CSMD1: variants seen among roughly 807,000 people sequenced by gnomAD.
CSMD1 encodes the protein CUB and sushi domain-containing protein 1.
A neutral mutation model predicts 417.5 loss-of-function variants in CSMD1; 213 were observed. The ratio of observed to expected loss-of-function variants is 0.51; its 90% CI spans 0.46 to 0.57. The LOEUF (loss-of-function observed/expected upper bound fraction) is 0.57, where lower values mean the gene tolerates loss of function less well. Among genes scored for constraint, CSMD1 ranks in the 20% least tolerant of loss-of-function variants. The probability of loss-of-function intolerance (pLI) is 0.00; values close to 1 mark genes in which losing one functional copy is unlikely to be tolerated. For missense variants in CSMD1, 6,923 were observed against 4,529.7 expected (o/e 1.53, Z -15.17); for synonymous variants, 2,862 against 1,736.8 (o/e 1.65, Z -16.11).
At chr8:4,218,496 T>C (rs1306850140) in intron 3 of CSMD1, among the ~76,000 whole-genome samples, 2 of 152,226 alleles carry the variant, frequency 1.3e-5, no homozygotes, top group Admixed American at 6.5e-5. Context: ...ATGATCTTTT[T>C]CTAATAAATA....
intron 28 of CSMD1, among the ~76,000 whole-genome samples, chr8:3,222,301 A>T (rs1336112643): frequency 6.7e-6 from 1 of 150,328 alleles, no homozygotes; most frequent in Non-Finnish European, 1.5e-5. Context: ...TCCTACTAAC[A>T]AGGTTTTGTG....
chr8:3,210,307 T>C (rs1797527861), intron 30 of CSMD1, among the ~76,000 whole-genome samples: 1 of 145,304 alleles, frequency 6.9e-6, no homozygotes, highest in Non-Finnish European at 1.5e-5. Context: ...AATCAGTGTT[T>C]CATGCGCTGT....
At chr8:3,838,889 T>C (rs1407010795) in intron 5 of CSMD1, among the ~76,000 whole-genome samples, 1 of 97,876 alleles carries the variant, frequency 1.0e-5, no homozygotes, top group Non-Finnish European at 1.8e-5. Flanking sequence ...TTAATTATAA[T>C]ATATAATAAT....
chr8:3,140,674 C>A (rs940352992), intron 41 of CSMD1, among the ~76,000 whole-genome samples: 4 of 151,722 alleles, frequency 2.6e-5, no homozygotes, highest in Admixed American at 6.6e-5. Flanking sequence ...ATATCAAAGC[C>A]CTGTTTCTAA....
chr8:3,336,057 G>C (rs1807241341), intron 23 of CSMD1, among the ~76,000 whole-genome samples: 1 of 152,150 alleles, frequency 6.6e-6, no homozygotes, highest in African/African-American at 2.4e-5. Context: ...AACGTACAAA[G>C]TGCTTTGAGT....
At chr8:3,833,495 C>A (rs1177760994) in intron 5 of CSMD1, among the ~76,000 whole-genome samples, 1 of 152,030 alleles carries the variant, frequency 6.6e-6, no homozygotes, top group East Asian at 1.9e-4. Flanking sequence ...TATAACAAAG[C>A]CCTTTCCTCA....
chr8:2,992,633 G>T (rs768391375), intron 54 of CSMD1, among the ~76,000 whole-genome samples: 1 of 151,942 alleles, frequency 6.6e-6, no homozygotes, highest in African/African-American at 2.4e-5. Context: ...CACCATGTTG[G>T]TCAGGCTGGT....
intron 27 of CSMD1, among the ~76,000 whole-genome samples, chr8:3,227,744 A>T (rs1468003865): frequency 6.6e-6 from 1 of 151,996 alleles, no homozygotes. Flanking sequence ...ACAGTCAAGC[A>T]GGATGTTGTC....
intron 1 of CSMD1, among the ~76,000 whole-genome samples, chr8:4,879,704 G>GA (rs202106998): frequency 0.021 from 3,122 of 151,926 alleles, 105 homozygotes; most frequent in African/African-American, 0.064. Context: ...GGAGCACTGC[G>GA]AAAAAAAGTG....
intron 10 of CSMD1, among the ~76,000 whole-genome samples, chr8:3,558,798 G>A (rs188800866): frequency 3.0e-4 from 45 of 149,872 alleles, no homozygotes; most frequent in Admixed American, 1.9e-3. Context: ...AATGATGAAT[G>A]GTGCCTCAAT....
At chr8:3,378,076 G>C (rs924893254) in intron 18 of CSMD1, among the ~76,000 whole-genome samples, 3 of 152,182 alleles carry the variant, frequency 2.0e-5, no homozygotes, top group African/African-American at 7.2e-5. Context: ...TAAGGATGAA[G>C]AAGGGTATTG....
chr8:3,821,490 A>T (rs548730526), intron 5 of CSMD1, among the ~76,000 whole-genome samples: 1 of 145,694 alleles, frequency 6.9e-6, no homozygotes, highest in South Asian at 2.2e-4. Context: ...GCTCCATTAA[A>T]GTCTACCAGG....
chr8:4,752,895 C>G (rs1454374815), intron 1 of CSMD1, among the ~76,000 whole-genome samples: 1 of 152,168 alleles, frequency 6.6e-6, no homozygotes, highest in Non-Finnish European at 1.5e-5. Flanking sequence ...AGATCCTGCA[C>G]CACACTTTCC....
intron 54 of CSMD1, among the ~76,000 whole-genome samples, chr8:2,982,896 A>C (rs76895605): frequency 0.05 from 7,574 of 152,180 alleles, 443 homozygotes; most frequent in African/African-American, 0.14. Context: ...CTGGTCTCTT[A>C]TAGGCAGCTT....
chr8:4,466,065 C>T (rs1216200981), intron 2 of CSMD1, among the ~76,000 whole-genome samples: 1 of 152,152 alleles, frequency 6.6e-6, no homozygotes. Context: ...TAACACAAGT[C>T]AAACAAGTTA....
At chr8:3,181,927 T>G (rs1356296413) in intron 36 of CSMD1, among the ~76,000 whole-genome samples, 4 of 152,124 alleles carry the variant, frequency 2.6e-5, no homozygotes, top group African/African-American at 9.7e-5. Flanking sequence ...GTTTGAGACA[T>G]TTTGGTGGAA....
At chr8:4,629,286 G>C (rs1055499332) in intron 2 of CSMD1, among the ~76,000 whole-genome samples, 4 of 152,172 alleles carry the variant, frequency 2.6e-5, no homozygotes, top group Non-Finnish European at 5.9e-5. Context: ...CCTACCAATA[G>C]ACATGAAAAC....
chr8:4,175,885 G>C (rs769894724), intron 3 of CSMD1, among the ~76,000 whole-genome samples: 1 of 152,170 alleles, frequency 6.6e-6, no homozygotes, highest in South Asian at 2.1e-4. Context: ...ATGGGGTCCA[G>C]TTGATTTCTA....
intron 25 of CSMD1, among the ~76,000 whole-genome samples, chr8:3,287,709 C>T (rs545102980): frequency 1.2e-4 from 18 of 152,262 alleles, no homozygotes; most frequent in Admixed American, 2.6e-4. Context: ...GGGGCTGAGA[C>T]GATGGGGTTT....
Sources: gnomAD v4.1 joint callset for allele counts (sites outside exome capture counted in the v4.1 genomes callset) on GRCh38, gnomAD v4.1.1 for gene constraint, MANE v1.5 for transcripts, NCBI Gene and HGNC (gene_info 2026-07-23, HGNC 2026-07-21) for gene names.